The following AK5 variants were observed in gnomAD, a reference collection of about 807,000 sequenced individuals.
AK5 encodes adenylate kinase 5.
A neutral mutation model predicts 69.5 loss-of-function variants in AK5; 27 were observed. That is an observed-to-expected ratio of 0.39 (90% confidence interval 0.29 to 0.54). The LOEUF (loss-of-function observed/expected upper bound fraction) is 0.54, where lower values mean the gene tolerates loss of function less well. Ranked by LOEUF, AK5 falls within the 20% of genes least tolerant of loss-of-function variation. The pLI is 0.71. For synonymous variants in AK5, 260 were observed against 244.4 expected, an observed-to-expected ratio of 1.06 and a Z score of -0.60; for missense variants, 531 against 700.4, an observed-to-expected ratio of 0.76 and a Z score of 2.73.
intron 5 of AK5, among the ~76,000 whole-genome samples, chr1:77,324,980 C>CTTTTTTTTTTTTTTT (rs374298984): frequency 2.2e-4 from 30 of 139,178 alleles, no homozygotes; most frequent in East Asian, 1.1e-3. Context: ...TTACGAGCTA[C>CTTTTTTTTTTTTTTT]TTTTTTTTTT....
chr1:77,310,546 A>AT (rs1292280295), intron 5 of AK5, among the ~76,000 whole-genome samples: 1 of 151,274 alleles, frequency 6.6e-6, no homozygotes, highest in Non-Finnish European at 1.5e-5. Flanking sequence ...CGCCCGGCTA[A>AT]TTTTTTTTGT....
chr1:77,545,205 C>T (rs1308829785), intron 13 of AK5, among the ~76,000 whole-genome samples: 1 of 152,134 alleles, frequency 6.6e-6, no homozygotes, highest in Non-Finnish European at 1.5e-5. Context: ...CCTTCCACCT[C>T]TCCTCACTTC....
intron 2 of AK5, among the ~76,000 whole-genome samples, chr1:77,292,031 T>C (rs1170060685): frequency 6.6e-6 from 1 of 152,172 alleles, no homozygotes. Context: ...TGGAAGCAGG[T>C]AGATCAGTAA....
At chr1:77,340,839 G>A (rs988724511) in intron 6 of AK5, 7 of 311,202 alleles carry the variant, frequency 2.2e-5, no homozygotes, top group Non-Finnish European at 3.0e-5. Flanking sequence ...AAGTAAAAAA[G>A]TGTTTTAAAG....
At chr1:77,476,140 C>T (rs1654923935) in intron 8 of AK5, among the ~76,000 whole-genome samples, 1 of 152,198 alleles carries the variant, frequency 6.6e-6, no homozygotes, top group African/African-American at 2.4e-5. Context: ...ACATTTTTTT[C>T]AACTCTGTTT....
chr1:77,292,908 A>G (rs922986091), intron 2 of AK5, among the ~76,000 whole-genome samples: 1 of 152,212 alleles, frequency 6.6e-6, no homozygotes, highest in Non-Finnish European at 1.5e-5. Context: ...TCATACAGCT[A>G]TAAGATATAA....
At chr1:77,520,831 G>A (rs10873947) in intron 11 of AK5, among the ~76,000 whole-genome samples, 54,533 of 151,970 alleles carry the variant, frequency 0.36, 10,269 homozygotes, top group Middle Eastern at 0.44. Context: ...CTTCATTCAC[G>A]ATTATCTAGG....
intron 6 of AK5, among the ~76,000 whole-genome samples, chr1:77,381,961 C>A (rs946646916): frequency 6.6e-6 from 1 of 152,148 alleles, no homozygotes; most frequent in Admixed American, 6.5e-5. Flanking sequence ...CCTCCTCCGC[C>A]ATGCACATGC....
intron 10 of AK5, among the ~76,000 whole-genome samples, chr1:77,498,052 T>G (rs1325441831): frequency 6.6e-6 from 1 of 152,084 alleles, no homozygotes; most frequent in Non-Finnish European, 1.5e-5. Flanking sequence ...AGGGTGAGGC[T>G]GGAAGAGAGC....
intron 3 of AK5, among the ~76,000 whole-genome samples, chr1:77,295,726 G>A (rs1570328331): frequency 6.6e-6 from 1 of 152,214 alleles, no homozygotes; most frequent in South Asian, 2.1e-4. Flanking sequence ...TTATTAACAG[G>A]ATGAACAAAT....
intron 8 of AK5, among the ~76,000 whole-genome samples, chr1:77,423,272 GC>G (rs1255441767): frequency 6.7e-6 from 1 of 150,192 alleles, no homozygotes; most frequent in East Asian, 1.9e-4. Flanking sequence ...GGTAGGGAGT[GC>G]AGGGTACCTT....
intron 5 of AK5, among the ~76,000 whole-genome samples, chr1:77,333,545 C>CCG (rs1553134069): frequency 8.2e-6 from 1 of 122,268 alleles, no homozygotes; most frequent in Non-Finnish European, 1.8e-5. Flanking sequence ...TTTTAAATCT[C>CCG]CCCCCCACCA....
At chr1:77,336,849 G>T (rs1208700627) in intron 5 of AK5, among the ~76,000 whole-genome samples, 1 of 151,904 alleles carries the variant, frequency 6.6e-6, no homozygotes, top group South Asian at 2.1e-4. Context: ...GCTATTCCAG[G>T]GTAATGGTAT....
intron 6 of AK5, among the ~76,000 whole-genome samples, chr1:77,387,405 T>A (rs1648108605): frequency 6.6e-6 from 1 of 152,172 alleles, no homozygotes; most frequent in Non-Finnish European, 1.5e-5. Context: ...TTTACCCTAA[T>A]TGTCACTGTA....
At chr1:77,367,640 T>TTATATA (rs57580728) in intron 6 of AK5, among the ~76,000 whole-genome samples, 2 of 84,694 alleles carry the variant, frequency 2.4e-5, no homozygotes, top group Non-Finnish European at 4.5e-5. Context: ...AATATATATG[T>TTATATA]TATGTTATAT....
intron 8 of AK5, among the ~76,000 whole-genome samples, chr1:77,461,391 C>T (rs932172969): frequency 2.0e-4 from 30 of 151,790 alleles, no homozygotes; most frequent in African/African-American, 7.0e-4. Flanking sequence ...ATGTGGTTAC[C>T]AGAGGCTGGG....
intron 6 of AK5, among the ~76,000 whole-genome samples, chr1:77,384,338 G>A (rs1047316373): frequency 6.6e-6 from 1 of 152,152 alleles, no homozygotes; most frequent in Non-Finnish European, 1.5e-5. Context: ...CTTTTTAAGT[G>A]CAATATTTCT....
intron 8 of AK5, among the ~76,000 whole-genome samples, chr1:77,443,839 A>G (rs1463670604): frequency 1.3e-5 from 2 of 151,996 alleles, no homozygotes; most frequent in Non-Finnish European, 2.9e-5. Context: ...GGTATACAAC[A>G]TGATGTTAAG....
intron 6 of AK5, among the ~76,000 whole-genome samples, chr1:77,361,942 A>T (rs2100440189): frequency 6.6e-6 from 1 of 152,278 alleles, no homozygotes; most frequent in East Asian, 1.9e-4. Context: ...GCCAAATCAT[A>T]TCACCCTACT....
Sources: gnomAD v4.1 joint callset for allele counts (sites outside exome capture counted in the v4.1 genomes callset) on GRCh38, gnomAD v4.1.1 for gene constraint, MANE v1.5 for transcripts, NCBI Gene and HGNC (gene_info 2026-07-23, HGNC 2026-07-21) for gene names.